The following ADAM10 variants were observed in gnomAD, a reference collection of about 807,000 sequenced individuals.
ADAM10 encodes ADAM metallopeptidase domain 10.
A neutral mutation model predicts 90.1 loss-of-function variants in ADAM10; 17 were observed. The observed-to-expected ratio is 0.19, with a 90% CI of 0.13 to 0.28. The LOEUF is 0.28. ADAM10 is among the 10% of genes least tolerant of loss of function. The pLI, the probability that ADAM10 is intolerant of heterozygous loss-of-function variation, is 1.00. For synonymous variants in ADAM10, 310 were observed against 298.6 expected (o/e 1.04, Z -0.40); for missense variants, 610 against 914.3 (o/e 0.67, Z 4.29).
chr15:58,747,134 T>G lies in ADAM10; in HGVS notation c.55+2346A>C, dbSNP rs145660881. Among the ~76,000 whole-genome samples the G allele has an allele frequency of 2.6e-3, 395 of 152,314 alleles. 1 individual carries two copies. The highest frequency in any genetic ancestry group is 3.3e-3 in the Non-Finnish European group (227 of 68,026). The stretch of plus-strand genomic sequence containing the variant: ...ACTGCTACAGCTGAAATGCCTTTTG[T>G]GCTCTCAAACACACCAGTTAAATTT... On this transcript the variant is annotated intron_variant, in intron 1 of 15. Coordinates refer to ENST00000260408, the MANE Select transcript of ADAM10 (RefSeq NM_001110.4).
At chr15:58,641,846 AGAG>A (rs1305167214) in intron 7 of ADAM10, among the ~76,000 whole-genome samples, 2 of 152,160 alleles carry the variant, frequency 1.3e-5, no homozygotes, top group African/African-American at 4.8e-5. Context: ...GTTGGCAGTA[AGAG>A]GATGACATAA....
chr15:58,677,826 AC>A lies in ADAM10; in HGVS notation c.484+1297del, dbSNP rs1308688555. On this transcript the variant is annotated intron_variant, in intron 4 of 15. Transcript: ENST00000260408. The stretch of plus-strand genomic sequence containing the variant: ...TATTTATGAAAAGCCTGCTGCACAG[AC>A]AAATGATACTTGCAATATTACAGGA... Among the ~76,000 whole-genome samples the A allele has an allele frequency of 4.6e-5, 7 of 152,214 alleles. No homozygotes were observed. In the South Asian group the frequency reaches 1.0e-3, roughly 22 times the overall value.
chr15:58,726,567 CAAAA>C (rs71116593), intron 1 of ADAM10, among the ~76,000 whole-genome samples: 45 of 20,778 alleles, frequency 2.2e-3, no homozygotes, highest in Middle Eastern at 0.1. Context: ...CTCAGTCTCC[CAAAA>C]AAAAAAAAAA....
chr15:58,597,610 G>A lies in ADAM10; in HGVS notation c.2184C>T (p.Pro728=), dbSNP rs767282752. The A allele has an allele frequency of 2.0e-5, 33 of 1,613,994 alleles. 2 individuals are homozygous for A. The South Asian group carries it at 3.3e-4, about 16-fold the overall frequency. The part of the protein sequence containing the change: ...GTLKRRRPPQ[P]IQQPQRQRPR... ...GCCGCTGACGCTGGGGTTGCTGAAT[G>A]GGCTGTGGAGGTCTCCTCCTCTTTA... The change falls in exon 16 of 16, where the codon CCC becomes CCT. Residue 728 remains proline, a synonymous_variant. Coordinates refer to ENST00000260408, the MANE Select transcript of ADAM10 (RefSeq NM_001110.4).
chr15:58,689,952 C>CA (rs1555418399), intron 2 of ADAM10, among the ~76,000 whole-genome samples: 1,655 of 108,824 alleles, frequency 0.015, 42 homozygotes, highest in African/African-American at 0.035. Context: ...AGACCCCCCC[C>CA]AAAAAAAAAA....
intron 1 of ADAM10, among the ~76,000 whole-genome samples, chr15:58,729,179 G>A (rs1244897986): frequency 3.9e-5 from 6 of 151,986 alleles, no homozygotes; most frequent in Admixed American, 6.5e-5. Context: ...GCAACATAGC[G>A]AGACCCTGTC....
intron 8 of ADAM10, among the ~76,000 whole-genome samples, chr15:58,637,715 T>TTA (rs1167255672): frequency 1.3e-4 from 19 of 151,756 alleles, no homozygotes; most frequent in African/African-American, 4.4e-4. Flanking sequence ...TAGATTGTAT[T>TTA]TATATATATA....
In ADAM10 at chr15:58,593,776, G is replaced by T; in HGVS notation, c.*3771C>A. ...TCCTGTTGCTTTTTATAGAAGAGAT[G>T]CTCTGAAGAACTTACCAATTATAAA... On this transcript the variant is annotated 3_prime_UTR_variant, in exon 16 of 16. Transcript: ENST00000260408. 6.6e-6 allele frequency: 1 copy of T among 152,106 alleles called. No homozygotes were observed. Among genetic ancestry groups the T allele is most frequent in the South Asian group, 2.1e-4 (1 of 4,828 alleles). The allele number at this position is 152,106 out of a possible 1,614,324, so 9.4% of individuals were successfully genotyped here.
chr15:58,669,552 T>G (rs142247463), intron 4 of ADAM10, among the ~76,000 whole-genome samples: 1 of 152,302 alleles, frequency 6.6e-6, no homozygotes, highest in Admixed American at 6.5e-5. Context: ...GGTATTTTGC[T>G]TGTCTTGTTT....
chr15:58,738,575 T>A (rs1227846857), intron 1 of ADAM10, among the ~76,000 whole-genome samples: 1 of 152,224 alleles, frequency 6.6e-6, no homozygotes, highest in Non-Finnish European at 1.5e-5. Flanking sequence ...TATTTCAACA[T>A]ACCCACTTTT....
At chr15:58,600,716 A>C (rs1471360478) in intron 14 of ADAM10, among the ~76,000 whole-genome samples, 1 of 152,206 alleles carries the variant, frequency 6.6e-6, no homozygotes, top group Non-Finnish European at 1.5e-5. Flanking sequence ...TCTAGTCTTA[A>C]ATTATATTTT....
At chr15:58,656,133 T>G (rs542246077) in intron 5 of ADAM10, among the ~76,000 whole-genome samples, 69 of 152,314 alleles carry the variant, frequency 4.5e-4, no homozygotes, top group African/African-American at 1.6e-3. Context: ...TAGCTACTCC[T>G]GCTCTTCTGG....
intron 7 of ADAM10, among the ~76,000 whole-genome samples, chr15:58,642,463 T>C (rs562147406): frequency 2.0e-5 from 3 of 148,078 alleles, no homozygotes; most frequent in South Asian, 2.1e-4. Flanking sequence ...AGACTCCTTC[T>C]CAAAAAAAAA....
In ADAM10 at chr15:58,592,138, G is replaced by C. The variant is rs1366577627; in HGVS notation, c.*5409C>G. On this transcript the variant is annotated 3_prime_UTR_variant, in exon 16 of 16. Coordinates refer to ENST00000260408, the MANE Select transcript of ADAM10 (RefSeq NM_001110.4). ...AGGAGGCTTCATCATGATGAGATGTGACTTTTGGCAGAACTGCTTCATAGG... is the reference window on the plus strand; with the variant it reads ...AGGAGGCTTCATCATGATGAGATGTCACTTTTGGCAGAACTGCTTCATAGG... The C allele has an allele frequency of 2.0e-5, 3 of 152,186 alleles. No homozygotes were observed. The highest frequency in any genetic ancestry group is 2.0e-4 in the Admixed American group (3 of 15,272). The allele number at this position is 152,186 out of a possible 1,614,324, so 9.4% of individuals were successfully genotyped here. A position where few individuals can be genotyped will look rare whatever the true frequency, so the allele number is the denominator to read the frequency against.
At chr15:58,717,299 T>G (rs1330752599) in intron 2 of ADAM10, among the ~76,000 whole-genome samples, 1 of 152,210 alleles carries the variant, frequency 6.6e-6, no homozygotes, top group Non-Finnish European at 1.5e-5. Flanking sequence ...TCAGAAACTA[T>G]GTACACAGAA....
chr15:58,699,281 A>C (rs1256580789), intron 2 of ADAM10, among the ~76,000 whole-genome samples: 2 of 152,222 alleles, frequency 1.3e-5, no homozygotes, highest in Non-Finnish European at 2.9e-5. Context: ...CCAACTGTAC[A>C]AGAAATGCTC....
At chr15:58,666,083 A>G (rs1281555557) in intron 4 of ADAM10, among the ~76,000 whole-genome samples, 1 of 151,416 alleles carries the variant, frequency 6.6e-6, no homozygotes, top group African/African-American at 2.4e-5. Context: ...TTTTCAGCAC[A>G]TTCCCTCTAG....
chr15:58,634,951 C>A (rs1199075240), intron 8 of ADAM10, among the ~76,000 whole-genome samples: 1 of 152,116 alleles, frequency 6.6e-6, no homozygotes, highest in Non-Finnish European at 1.5e-5. Flanking sequence ...CAGCATTATA[C>A]TACGACTGTT....
intron 14 of ADAM10, among the ~76,000 whole-genome samples, chr15:58,605,794 T>C (rs545710243): frequency 5.7e-4 from 87 of 152,214 alleles, no homozygotes; most frequent in Non-Finnish European, 1.0e-3. Context: ...AAAAGAGAGA[T>C]GATGTTCAAT....
Sources: gnomAD v4.1 joint callset for allele counts (sites outside exome capture counted in the v4.1 genomes callset) on GRCh38, gnomAD v4.1.1 for gene constraint, MANE v1.5 for transcripts, NCBI Gene and HGNC (gene_info 2026-07-23, HGNC 2026-07-21) for gene names.